CLUH: variants seen among roughly 807,000 people sequenced by gnomAD.
CLUH encodes the protein clustered mitochondria protein homolog.
In CLUH, 77 loss-of-function variants were observed where a neutral mutation model predicts 139.3. The observed-to-expected ratio is 0.55, with a 90% CI of 0.46 to 0.67. The LOEUF is 0.67. Ranked by LOEUF, CLUH falls within the 30% of genes least tolerant of loss-of-function variation. CLUH has a pLI of 0.00. For synonymous variants in CLUH, 999 were observed against 801.6 expected, an observed-to-expected ratio of 1.25 and a Z score of -4.16; for missense variants, 1,876 against 1,875.8, an observed-to-expected ratio of 1.00 and a Z score of 0.00.
rs1476585527 is a variant in CLUH, at chr17:2,698,477, G to T, written c.1380C>A (p.Asn460Lys). Residue 460 changes from asparagine (N) to lysine (K), a missense_variant, in exon 10 of 26, where the codon AAC (asparagine) becomes AAA (lysine). Asn to Lys is a moderately conservative substitution (Grantham distance 94). This residue lies in a region of CLUH where 1,454 missense variants were observed against 1,384.4 expected (regional missense o/e 1.05). Coordinates refer to ENST00000651024, the MANE Select transcript of CLUH (RefSeq NM_001366661.1). ...EETKMQMFIWNNIFFSLGFDV... is the reference protein window; with the variant it reads ...EETKMQMFIWKNIFFSLGFDV... ...CGAAGCCCAGGCTGAAGAAGATGTT[G>T]TTCCAGATGAACATCTGCATCTTGG... 1.9e-6 allele frequency: 3 copies of T among 1,613,096 alleles called. No homozygotes were observed. In the Admixed American group the frequency reaches 5.0e-5, roughly 27 times the overall value.
At chr17:2,700,153 C>T (rs1260774577) in intron 9 of CLUH, among the ~76,000 whole-genome samples, 2 of 152,236 alleles carry the variant, frequency 1.3e-5, no homozygotes, top group African/African-American at 4.8e-5. Context: ...AAGTAGGGCC[C>T]GCTCCTTCCA....
At position 2,707,939 on chromosome 17, in the gene CLUH, C is replaced by A. The variant is rs749138586; in HGVS notation, c.101-3375G>T. 3.6e-5 allele frequency: 35 copies of A among 985,354 alleles called. No homozygotes were observed. The highest frequency in any genetic ancestry group is 6.1e-5 in the Admixed American group (1 of 16,272). 61.0% of individuals were successfully genotyped at this position (985,354 alleles called of 1,614,324 possible). A position where few individuals can be genotyped will look rare whatever the true frequency, so the allele number is the denominator to read the frequency against. ...CCAGAGGACAACTGCACCCGTGCCC[C>A]TGGCCTCCAGGCTCCATCAAGAAGC... is the stretch of plus-strand genomic sequence containing the variant. On this transcript the variant is annotated intron_variant, in intron 1 of 25. Transcript: ENST00000651024. The surrounding 1 kb of genome is among the most constrained non-coding windows in gnomAD (Gnocchi z 7.4).
rs74532258 is a variant in CLUH at position 2,694,009 on chromosome 17, T to C, written c.3122A>G (p.Asn1041Ser). Residue 1041 changes from asparagine (N) to serine (S), a missense_variant, in exon 19 of 26, where the codon AAT becomes AGT. This residue lies in a region of CLUH where 1,454 missense variants were observed against 1,384.4 expected (regional missense o/e 1.05). Coordinates refer to ENST00000651024, the MANE Select transcript of CLUH (RefSeq NM_001366661.1). ...GFLKEGCELINEALNLFNNVY... is the reference protein window; with the variant it reads ...GFLKEGCELISEALNLFNNVY... The stretch of plus-strand genomic sequence containing the variant: ...GTTGTTAAACAGGTTCAGGGCCTCA[T>C]TGATGAGCTCACAGCCCTCCTTCAG... 9.8e-5 allele frequency: 158 copies of C among 1,613,818 alleles called. No individual in the cohort carries two copies. In the Middle Eastern group the frequency reaches 9.9e-4, roughly 10 times the overall value.
In CLUH at chr17:2,698,246, G is replaced by A. The variant is rs1483748582; in HGVS notation, c.1611C>T (p.Ser537=). The A allele has an allele frequency of 2.1e-5, 34 of 1,603,114 alleles. No individual in the cohort carries two copies. Among genetic ancestry groups the A allele is most frequent in the Non-Finnish European group, 2.7e-5 (32 of 1,175,592 alleles). Residue 537 remains serine, a synonymous_variant, in exon 10 of 26, where the codon AGC becomes AGT. Coordinates refer to ENST00000651024, the MANE Select transcript of CLUH (RefSeq NM_001366661.1). ...PGILERDQEQ[S]VIYGSIDFGK... ...CGAAGTCGATGGAGCCGTAGATGAC[G>A]CTCTGCTCCTGGTCCCGCTCCAGGA...
At position 2,691,698 on chromosome 17, in the gene CLUH, A is replaced by ACCAGCGGTGAGCGGGGCT; in HGVS notation, c.3790-34_3790-17dup. The ACCAGCGGTGAGCGGGGCT allele has an allele frequency of 6.2e-7, 1 of 1,610,606 alleles. No homozygotes were observed. The highest frequency in any genetic ancestry group is 2.2e-5 in the East Asian group (1 of 44,744). On this transcript the variant is annotated splice_polypyrimidine_tract_variant and intron_variant, in intron 24 of 25. Coordinates refer to ENST00000651024, the MANE Select transcript of CLUH (RefSeq NM_001366661.1). Reference sequence around the variant, plus strand: ...GGGCCGTGAACTGCGGGGCGGGGAAACCAGCGGTGAGCGGGGCTCCCGCGC... The same window carrying ACCAGCGGTGAGCGGGGCT: ...GGGCCGTGAACTGCGGGGCGGGGAAACCAGCGGTGAGCGGGGCTCCAGCGGTGAGCGGGGCTCCCGCGC...
intron 9 of CLUH, among the ~76,000 whole-genome samples, chr17:2,699,240 G>A (rs977876140): frequency 2.8e-4 from 43 of 152,246 alleles, no homozygotes; most frequent in Admixed American, 2.0e-3. Context: ...TCTCTATAAC[G>A]CACTTGGCAC....
chr17:2,690,879 T>C lies in CLUH; in HGVS notation c.3864-102A>G. 4.4e-6 allele frequency: 4 copies of C among 902,606 alleles called. No individual in the cohort carries two copies. In the South Asian group the frequency reaches 1.1e-4, roughly 24 times the overall value. The allele number at this position is 902,606 out of a possible 1,614,324, so 55.9% of individuals were successfully genotyped here. A position where few individuals can be genotyped will look rare whatever the true frequency, so the allele number is the denominator to read the frequency against. ...GGATAAGCTCAGGCTCTGCGCTCTA[T>C]TCAGTGGGGAATGTGTGTGAACAAG... On this transcript the variant is annotated intron_variant, in intron 25 of 25. Transcript: ENST00000651024.
Position 2,707,404 on chromosome 17 carries a change from C to G in CLUH, c.101-2840G>C. Reference sequence around the variant, plus strand: ...GCAGCCCCAGGAAGGGCACACTCCCCCTGCCTGGCATCCCGCTCAAGGTCG... The same window carrying G: ...GCAGCCCCAGGAAGGGCACACTCCCGCTGCCTGGCATCCCGCTCAAGGTCG... On this transcript the variant is annotated intron_variant, in intron 1 of 25. Transcript: ENST00000651024. The surrounding 1 kb of genome is among the most constrained non-coding windows in gnomAD (Gnocchi z 7.4). 1.0e-6 allele frequency: 1 copy of G among 985,426 alleles called. No individual in the cohort carries two copies. The highest frequency in any genetic ancestry group is 1.2e-6 in the Non-Finnish European group (1 of 829,916). 61.0% of individuals were successfully genotyped at this position (985,426 alleles called of 1,614,324 possible). A position where few individuals can be genotyped will look rare whatever the true frequency, so the allele number is the denominator to read the frequency against.
chr17:2,709,920 T>C (rs1299204218), intron 1 of CLUH, among the ~76,000 whole-genome samples: 1 of 152,040 alleles, frequency 6.6e-6, no homozygotes, highest in African/African-American at 2.4e-5. Context: ...CCAAAACAAA[T>C]AGCTGTGCCC....
rs2070271753 is a variant in CLUH, at chr17:2,703,988, G to A, written c.303+374C>T. Among the ~76,000 whole-genome samples the A allele has an allele frequency of 6.6e-6, 1 of 152,294 alleles. No homozygotes were observed. Among genetic ancestry groups the A allele is most frequent in the East Asian group, 1.9e-4 (1 of 5,176 alleles). On this transcript the variant is annotated intron_variant, in intron 2 of 25. Coordinates refer to ENST00000651024, the MANE Select transcript of CLUH (RefSeq NM_001366661.1). This position sits in a 1 kb window ranked among gnomAD's most constrained non-coding sequence, Gnocchi z 4.2. ...CCTCCACGCTGGCTCTGCCCTTGGA[G>A]ATAACCCAATACTACCCTCCCCTCT...
At chr17:2,691,448 G>A (rs933945126) in intron 25 of CLUH, 161 bp downstream of exon 25, 4 of 695,584 alleles carry the variant, frequency 5.8e-6, no homozygotes, top group African/African-American at 1.8e-5. Flanking sequence ...TGTAATCCCA[G>A]CTACTGGGGA....
chr17:2,707,364 G>A lies in CLUH; in HGVS notation c.101-2800C>T. 1.0e-6 allele frequency: 1 copy of A among 985,362 alleles called. No homozygotes were observed. Among genetic ancestry groups the A allele is most frequent in the South Asian group, 4.7e-5 (1 of 21,288 alleles). The allele number at this position is 985,362 out of a possible 1,614,324, so 61.0% of individuals were successfully genotyped here. A position where few individuals can be genotyped will look rare whatever the true frequency, so the allele number is the denominator to read the frequency against. On this transcript the variant is annotated intron_variant, in intron 1 of 25. Transcript: ENST00000651024. The surrounding 1 kb of genome is among the most constrained non-coding windows in gnomAD (Gnocchi z 7.4). The stretch of plus-strand genomic sequence containing the variant: ...CCGGCTGGCTTCGGGTTTCAGTGGG[G>A]CCAGGCCTGCCATGGCAGCCCCAGG...
chr17:2,692,299 G>T, intron 22 of CLUH, 62 bp downstream of exon 22: 1 of 1,477,242 alleles, frequency 6.8e-7, no homozygotes, highest in Non-Finnish European at 9.0e-7. Context: ...TCTCTTCCCC[G>T]CCCCCGCCGG....
intron 10 of CLUH, among the ~76,000 whole-genome samples, 175 bp from the exon 11 acceptor site, chr17:2,697,117 C>T (rs961850983): frequency 1.3e-5 from 2 of 152,156 alleles, no homozygotes; most frequent in Admixed American, 6.5e-5. Context: ...AAGAAAAAGG[C>T]GGCCGGGCGT....
In CLUH at chr17:2,703,198, G is replaced by C. The variant is rs2070241476; in HGVS notation, c.475+120C>G. Reference sequence around the variant, plus strand: ...GTGTGCTGGCCTGAGAAGCAGATCTGTGCTCCAATCCTGCCTCCATGAGCT... The same window carrying C: ...GTGTGCTGGCCTGAGAAGCAGATCTCTGCTCCAATCCTGCCTCCATGAGCT... On this transcript the variant is annotated intron_variant, in intron 3 of 25. Coordinates refer to ENST00000651024, the MANE Select transcript of CLUH (RefSeq NM_001366661.1). The surrounding 1 kb of genome is among the most constrained non-coding windows in gnomAD (Gnocchi z 4.2). 9.4e-7 allele frequency: 1 copy of C among 1,059,096 alleles called. No individual in the cohort carries two copies. The highest frequency in any genetic ancestry group is 2.6e-5 in the East Asian group (1 of 38,308). 65.6% of individuals were successfully genotyped at this position (1,059,096 alleles called of 1,614,324 possible).
At chr17:2,700,199 CT>C (rs776764524) in intron 9 of CLUH, among the ~76,000 whole-genome samples, 182 bp downstream of exon 9, 56 of 152,204 alleles carry the variant, frequency 3.7e-4, no homozygotes, top group Admixed American at 2.2e-3. Flanking sequence ...GAGAAAGGTA[CT>C]GGGATGGTCT....
At position 2,694,279 on chromosome 17, in the gene CLUH, G is replaced by A. The variant is rs1039344755; in HGVS notation, c.2938-3C>T. ...AAGCTGTACTCCTTCAGCAGGACCT[G>A]GGGGGCAGCCCCCCCACCACAGGAA... On this transcript the variant is annotated splice_polypyrimidine_tract_variant and splice_region_variant and intron_variant, in intron 17 of 25. Coordinates refer to ENST00000651024, the MANE Select transcript of CLUH (RefSeq NM_001366661.1). The A allele has an allele frequency of 6.3e-7, 1 of 1,577,876 alleles. No homozygotes were observed. Among genetic ancestry groups the A allele is most frequent in the Non-Finnish European group, 8.6e-7 (1 of 1,159,790 alleles).
At position 2,694,223 on chromosome 17, in the gene CLUH, C is replaced by T. The variant is rs199920211; in HGVS notation, c.2991G>A (p.Glu997=). The stretch of plus-strand genomic sequence containing the variant: ...CGGGGAAGATGTTGAGCACGTCCTC[C>T]TCGGTGAACGCGGGCTTGTGGCGAC... ...FDSRHKPAFT[E]EDVLNIFPVV... The change falls in exon 18 of 26, where the codon GAG becomes GAA. Residue 997 remains glutamate, a synonymous_variant. Coordinates refer to ENST00000651024, the MANE Select transcript of CLUH (RefSeq NM_001366661.1). The T allele has an allele frequency of 7.6e-4, 1,224 of 1,612,870 alleles. No individual in the cohort carries two copies. Among genetic ancestry groups the T allele is most frequent in the Non-Finnish European group, 9.9e-4 (1,165 of 1,179,386 alleles).
chr17:2,709,475 A>C (rs2070447802), intron 1 of CLUH, among the ~76,000 whole-genome samples: 1 of 151,780 alleles, frequency 6.6e-6, no homozygotes, highest in Admixed American at 6.6e-5. Context: ...CCTGTTGCGG[A>C]GCTCCCATAA....
Sources: allele counts gnomAD v4.1 joint callset (sites outside exome capture counted in the v4.1 genomes callset), GRCh38; gene constraint gnomAD v4.1.1; regional missense constraint gnomAD v4.1.1; non-coding constraint Gnocchi (gnomAD v3.1); transcripts MANE v1.5; gene names NCBI Gene and HGNC (gene_info 2026-07-23, HGNC 2026-07-21).